The following NFATC3 variants were observed in gnomAD, a reference collection of about 807,000 sequenced individuals.
The protein encoded by NFATC3 is nuclear factor of activated T cells 3.
In NFATC3, 46 loss-of-function variants were observed where a neutral mutation model predicts 98.6. The observed-to-expected ratio is 0.47, with a 90% CI of 0.37 to 0.60. The LOEUF is 0.60. Among genes scored for constraint, NFATC3 ranks in the 20% least tolerant of loss-of-function variants. The pLI, the probability that NFATC3 is intolerant of heterozygous loss-of-function variation, is 0.00. For missense variants in NFATC3, 1,256 were observed against 1,295.5 expected, an observed-to-expected ratio of 0.97 and a Z score of 0.47; for synonymous variants, 512 against 472.2, an observed-to-expected ratio of 1.08 and a Z score of -1.09.
chr16:68,187,403 C>T (rs2040249451), intron 8 of NFATC3, among the ~76,000 whole-genome samples: 1 of 152,168 alleles, frequency 6.6e-6, no homozygotes, highest in African/African-American at 2.4e-5. Context: ...GTTTGTATTA[C>T]AACTCTTTCA....
At chr16:68,126,358 A>G (rs2036835086) in intron 2 of NFATC3, 90 bp from the exon 3 acceptor site, 1 of 1,229,814 alleles carries the variant, frequency 8.1e-7, no homozygotes, top group African/African-American at 1.5e-5. Flanking sequence ...GATCAAAGGA[A>G]GAAATGTTGG....
chr16:68,145,151 G>A (rs940522174), intron 3 of NFATC3, among the ~76,000 whole-genome samples: 1 of 72,894 alleles, frequency 1.4e-5, no homozygotes, highest in Non-Finnish European at 2.9e-5. Context: ...TTTTTTTTTT[G>A]TGATAGGGTC....
At position 68,122,946 on chromosome 16, in the gene NFATC3, T is replaced by C; in HGVS notation, c.1063T>C (p.Leu355=). The C allele has an allele frequency of 3.1e-6, 5 of 1,614,166 alleles. No homozygotes were observed. Among genetic ancestry groups the C allele is most frequent in the Non-Finnish European group, 4.2e-6 (5 of 1,180,038 alleles). The part of the protein sequence containing the change: ...EDQAAILPGK[L]ELCSDDQGSL... ...TCAAGCTGCCATACTACCAGGAAAA[T>C]TAGAGCTGTGTTCAGATGACCAAGG... is the stretch of plus-strand genomic sequence containing the variant. Residue 355 remains leucine, a synonymous_variant, in exon 2 of 10, where the codon TTA becomes CTA. Coordinates refer to ENST00000346183, the MANE Select transcript of NFATC3 (RefSeq NM_173165.3).
At chr16:68,164,282 A>T (rs1033710735) in intron 4 of NFATC3, among the ~76,000 whole-genome samples, 1 of 152,232 alleles carries the variant, frequency 6.6e-6, no homozygotes, top group Non-Finnish European at 1.5e-5. Context: ...TGCGCCTGCA[A>T]TCGCAGGCTG....
intron 9 of NFATC3, among the ~76,000 whole-genome samples, chr16:68,224,558 A>G (rs1429361868): frequency 7.2e-6 from 1 of 138,772 alleles, no homozygotes; most frequent in Non-Finnish European, 1.5e-5. Context: ...TATAGGCATG[A>G]GCCACCGCGC....
chr16:68,216,029 G>C (rs2041626491), intron 9 of NFATC3, among the ~76,000 whole-genome samples: 1 of 152,034 alleles, frequency 6.6e-6, no homozygotes, highest in African/African-American at 2.4e-5. Flanking sequence ...CGCTGGCCCA[G>C]ATTTACACAT....
chr16:68,116,342 T>A (rs2036278746), intron 1 of NFATC3, among the ~76,000 whole-genome samples: 2 of 151,378 alleles, frequency 1.3e-5, no homozygotes, highest in Admixed American at 6.6e-5. Context: ...GCACATGGAC[T>A]GTATTTTGCC....
chr16:68,132,679 T>C (rs1211445873), intron 3 of NFATC3, among the ~76,000 whole-genome samples: 1 of 152,164 alleles, frequency 6.6e-6, no homozygotes, highest in African/African-American at 2.4e-5. Context: ...ACAATACTAT[T>C]CAGGCATAAA....
intron 3 of NFATC3, chr16:68,138,578 A>G (rs1404521152): frequency 2.3e-6 from 3 of 1,289,110 alleles, no homozygotes; most frequent in African/African-American, 3.0e-5. Context: ...ATGGGAAAGA[A>G]GAAGGTGTAT....
At chr16:68,163,288 G>A (rs2038987490) in intron 4 of NFATC3, among the ~76,000 whole-genome samples, 2 of 151,788 alleles carry the variant, frequency 1.3e-5, no homozygotes, top group South Asian at 4.2e-4. Flanking sequence ...CGGGCAGAGG[G>A]GCTCCTCACT....
At chr16:68,172,413 T>G (rs928214241) in intron 5 of NFATC3, among the ~76,000 whole-genome samples, 1 of 152,190 alleles carries the variant, frequency 6.6e-6, no homozygotes, top group Non-Finnish European at 1.5e-5. Flanking sequence ...ATCAACACTT[T>G]TAAAATTTGT....
chr16:68,150,664 A>T (rs562705658), intron 3 of NFATC3, among the ~76,000 whole-genome samples: 1 of 152,322 alleles, frequency 6.6e-6, no homozygotes, highest in South Asian at 2.1e-4. Context: ...AGAAAAATAA[A>T]TATATAAACT....
intron 9 of NFATC3, among the ~76,000 whole-genome samples, chr16:68,195,585 G>T (rs1190120385): frequency 6.6e-6 from 1 of 152,182 alleles, no homozygotes; most frequent in South Asian, 2.1e-4. Flanking sequence ...GAGGTGGGCG[G>T]ATCACGAGGT....
intron 9 of NFATC3, chr16:68,224,942 A>G (rs2041992518): frequency 6.6e-6 from 1 of 151,826 alleles, no homozygotes; most frequent in African/African-American, 2.4e-5. Flanking sequence ...ATCTATTTTT[A>G]TATTGATTGA....
intron 1 of NFATC3, among the ~76,000 whole-genome samples, chr16:68,096,148 T>TA (rs2035008301): frequency 6.6e-6 from 1 of 152,152 alleles, no homozygotes. Flanking sequence ...TTGTTTTTGA[T>TA]AGAGACGGAG....
rs2040408591 is a variant in NFATC3 at position 68,191,245 on chromosome 16, C to T, written c.2576C>T (p.Ser859Leu). The part of the protein sequence containing the change: ...LSSIPFHSSN[S>L]GSTGHLLAHT... ...TCCATACCATTTCATTCTTCAAATT[C>T]AGGCTCAACAGGACATCTCTTAGCC... The change falls in exon 9 of 10, where the codon TCA (serine) becomes TTA (leucine). Residue 859 changes from serine to leucine, a missense_variant. By Grantham distance (145) the Ser-to-Leu change is moderately radical. This residue lies in a region of NFATC3 where 636 missense variants were observed against 617.3 expected (regional missense o/e 1.03). Transcript: ENST00000346183. 2.5e-6 allele frequency: 4 copies of T among 1,614,206 alleles called. No individual in the cohort carries two copies. Among genetic ancestry groups the T allele is most frequent in the Non-Finnish European group, 1.7e-6 (2 of 1,180,050 alleles).
intron 9 of NFATC3, among the ~76,000 whole-genome samples, chr16:68,193,066 A>G (rs2040512506): frequency 6.6e-6 from 1 of 152,070 alleles, no homozygotes; most frequent in Non-Finnish European, 1.5e-5. Context: ...TTGCATCTGT[A>G]TTGAACGTGT....
At chr16:68,118,374 A>C (rs2036400488) in intron 1 of NFATC3, among the ~76,000 whole-genome samples, 1 of 152,074 alleles carries the variant, frequency 6.6e-6, no homozygotes, top group South Asian at 2.1e-4. Context: ...TATGTGTGTT[A>C]TTTACTTTTT....
At chr16:68,185,734 G>A (rs745573798) in intron 8 of NFATC3, among the ~76,000 whole-genome samples, 20 of 151,960 alleles carry the variant, frequency 1.3e-4, no homozygotes, top group Non-Finnish European at 1.2e-4. Flanking sequence ...ATTGTGGCAG[G>A]TGCCTGTAGT....
Sources: gnomAD v4.1 joint callset for allele counts (sites outside exome capture counted in the v4.1 genomes callset) on GRCh38, gnomAD v4.1.1 for gene constraint, gnomAD v4.1.1 regional missense constraint, MANE v1.5 for transcripts, NCBI Gene and HGNC (gene_info 2026-07-23, HGNC 2026-07-21) for gene names.